GALNT14: variants seen among roughly 807,000 people sequenced by gnomAD.
GALNT14 encodes the protein polypeptide N-acetylgalactosaminyltransferase 14.
A neutral mutation model predicts 77.5 loss-of-function variants in GALNT14; 60 were observed. The observed-to-expected ratio is 0.77, with a 90% CI of 0.63 to 0.96. The LOEUF (loss-of-function observed/expected upper bound fraction) is 0.96, where lower values mean the gene tolerates loss of function less well. Ranked by LOEUF, GALNT14 falls within the 40% of genes least tolerant of loss-of-function variation. The pLI is 0.00. For missense variants in GALNT14, 710 were observed against 731.0 expected (o/e 0.97, Z 0.33); for synonymous variants, 280 against 281.7 (o/e 0.99, Z 0.06).
chr2:30,902,304 T>C, the GALNT14 span, among the ~76,000 whole-genome samples: 1 of 152,156 alleles, frequency 6.6e-6, no homozygotes. Flanking sequence ...TAGAGAGCAT[T>C]TGGATAACTC....
chr2:30,996,941 T>C (rs1230855638), intron 1 of GALNT14, among the ~76,000 whole-genome samples: 1 of 152,180 alleles, frequency 6.6e-6, no homozygotes, highest in Non-Finnish European at 1.5e-5. Context: ...GAAGGTGTGT[T>C]TAAAATAATA....
Position 31,137,833 on chromosome 2 carries a change from C to G in GALNT14, c.129+125G>C, listed in dbSNP as rs978479725. The G allele has an allele frequency of 5.6e-6, 7 of 1,249,414 alleles. No individual in the cohort carries two copies. In the African/African-American group the frequency reaches 1.1e-4, roughly 19 times the overall value. 77.4% of individuals were successfully genotyped at this position (1,249,414 alleles called of 1,614,324 possible). On this transcript the variant is annotated intron_variant, in intron 1 of 14. Transcript: ENST00000349752. ...ATCACATGGTAGCCACATCCGGCGG[C>G]TGTTACCTGCTCGCAGCACCCAGAC...
At chr2:30,916,717 GC>G (rs1664700701) in intron 13 of GALNT14, among the ~76,000 whole-genome samples, 1 of 152,166 alleles carries the variant, frequency 6.6e-6, no homozygotes, top group African/African-American at 2.4e-5. Context: ...ACGGGCCACA[GC>G]ACCCAGCCTG....
intron 12 of GALNT14, 79 bp downstream of exon 12, chr2:30,924,661 G>T: frequency 8.2e-7 from 1 of 1,224,128 alleles, no homozygotes; most frequent in Non-Finnish European, 1.2e-6. Flanking sequence ...GTTGGTCATT[G>T]TCTGTCTCTT....
At chr2:30,988,516 T>A (rs1241121799) in intron 2 of GALNT14, among the ~76,000 whole-genome samples, 2 of 151,614 alleles carry the variant, frequency 1.3e-5, no homozygotes, top group African/African-American at 4.8e-5. Context: ...GAGGCCAAAG[T>A]CTCCGCAGAG....
At chr2:30,949,590 C>T (rs1189078069) in intron 6 of GALNT14, among the ~76,000 whole-genome samples, 1 of 152,258 alleles carries the variant, frequency 6.6e-6, no homozygotes, top group African/African-American at 2.4e-5. Flanking sequence ...CCAGGAGCAA[C>T]TACAAGAGGC....
the GALNT14 span, among the ~76,000 whole-genome samples, chr2:30,891,891 G>A: frequency 1.3e-5 from 2 of 152,138 alleles, no homozygotes; most frequent in Admixed American, 1.3e-4. Flanking sequence ...TCTGCAATGT[G>A]GTAACCTCTC....
At chr2:30,985,981 G>A (rs1488977344) in intron 2 of GALNT14, among the ~76,000 whole-genome samples, 4 of 152,200 alleles carry the variant, frequency 2.6e-5, no homozygotes, top group Non-Finnish European at 4.4e-5. Context: ...GAGAAATGAT[G>A]ATGATCTTTG....
Position 31,063,302 on chromosome 2 carries a change from T to C in GALNT14, c.130-70295A>G, listed in dbSNP as rs557125341. ...TGGCTAACCAGTTTTCCCAGCACCATTTATCAAATAGGGAATCCTTTCCCC... is the reference window on the plus strand; with the variant it reads ...TGGCTAACCAGTTTTCCCAGCACCACTTATCAAATAGGGAATCCTTTCCCC... On this transcript the variant is annotated intron_variant, in intron 1 of 14. Coordinates refer to ENST00000349752, the MANE Select transcript of GALNT14 (RefSeq NM_024572.4). Among the ~76,000 whole-genome samples the C allele has an allele frequency of 1.4e-4, 21 of 152,352 alleles. No homozygotes were observed. The East Asian group carries it at 3.7e-3, about 27-fold the overall frequency.
intron 7 of GALNT14, among the ~76,000 whole-genome samples, chr2:30,945,581 C>A (rs757414594): frequency 6.6e-6 from 1 of 152,176 alleles, no homozygotes; most frequent in Non-Finnish European, 1.5e-5. Flanking sequence ...GCTCTGGGTG[C>A]TGGGAGCATC....
At chr2:30,918,040 C>G (rs1026264215) in intron 13 of GALNT14, among the ~76,000 whole-genome samples, 17 of 152,224 alleles carry the variant, frequency 1.1e-4, no homozygotes, top group African/African-American at 3.6e-4. Context: ...GTGCTGGGGT[C>G]TGCCTCAGTC....
intron 2 of GALNT14, among the ~76,000 whole-genome samples, chr2:30,991,661 C>A (rs1669711669): frequency 6.6e-6 from 1 of 152,154 alleles, no homozygotes; most frequent in Non-Finnish European, 1.5e-5. Flanking sequence ...AGTTCACCCC[C>A]CTTGCTATAT....
At chr2:31,125,255 T>A (rs1399027669) in intron 1 of GALNT14, 4 of 1,549,142 alleles carry the variant, frequency 2.6e-6, no homozygotes, top group Middle Eastern at 1.7e-4. Context: ...GGACCAAACC[T>A]GAAAATGCCA....
intron 13 of GALNT14, among the ~76,000 whole-genome samples, chr2:30,912,851 G>A (rs1044921624): frequency 1.3e-5 from 2 of 152,148 alleles, no homozygotes; most frequent in South Asian, 2.1e-4. Flanking sequence ...TATGACAAGA[G>A]GCAGATGGAA....
At chr2:30,977,005 T>A (rs1668671952) in intron 2 of GALNT14, among the ~76,000 whole-genome samples, 2 of 151,996 alleles carry the variant, frequency 1.3e-5, no homozygotes, top group South Asian at 4.1e-4. Context: ...TACCAGTCGG[T>A]GCCCTCACGA....
intron 2 of GALNT14, among the ~76,000 whole-genome samples, chr2:30,987,587 G>A (rs1436599782): frequency 6.6e-6 from 1 of 152,188 alleles, no homozygotes; most frequent in Non-Finnish European, 1.5e-5. Context: ...GCCTCTCTGG[G>A]CTTCTTTTAT....
intron 3 of GALNT14, among the ~76,000 whole-genome samples, chr2:30,962,824 A>T (rs1219011690): frequency 6.6e-6 from 1 of 152,174 alleles, no homozygotes; most frequent in East Asian, 1.9e-4. Flanking sequence ...TTTAGAGAAG[A>T]TCCCTTTATT....
rs1243025622 is a variant in GALNT14 at position 30,924,887 on chromosome 2, G to A, written c.1152-64C>T. 3.7e-6 allele frequency: 5 copies of A among 1,358,022 alleles called. No individual in the cohort carries two copies. The African/African-American group carries it at 7.1e-5, about 19-fold the overall frequency. The allele number at this position is 1,358,022 out of a possible 1,614,324, so 84.1% of individuals were successfully genotyped here. A position where few individuals can be genotyped will look rare whatever the true frequency, so the allele number is the denominator to read the frequency against. Reference sequence around the variant, plus strand: ...ACACAGCTGTCAGAGGCAGGCGCCAGCAACGCCAGTCCAGACTGAGAACAC... The same window carrying A: ...ACACAGCTGTCAGAGGCAGGCGCCAACAACGCCAGTCCAGACTGAGAACAC... On this transcript the variant is annotated intron_variant, in intron 11 of 14. Coordinates refer to ENST00000349752, the MANE Select transcript of GALNT14 (RefSeq NM_024572.4).
At chr2:31,111,712 A>C (rs1261774620) in intron 1 of GALNT14, among the ~76,000 whole-genome samples, 2 of 152,226 alleles carry the variant, frequency 1.3e-5, no homozygotes, top group African/African-American at 4.8e-5. Context: ...CTTTTAAAAT[A>C]AAGTGAGATG....
Sources: allele counts gnomAD v4.1 joint callset (sites outside exome capture counted in the v4.1 genomes callset), GRCh38; gene constraint gnomAD v4.1.1; transcripts MANE v1.5; gene names NCBI Gene and HGNC (gene_info 2026-07-23, HGNC 2026-07-21).